TRDN: variants seen among roughly 807,000 people sequenced by gnomAD.
The protein encoded by TRDN is triadin.
Under a neutral mutation model 149.7 loss-of-function variants are expected in TRDN, and 161 were observed. The ratio of observed to expected loss-of-function variants is 1.08; its 90% CI spans 0.95 to 1.23. The LOEUF (loss-of-function observed/expected upper bound fraction) is 1.23, where lower values mean the gene tolerates loss of function less well. Among genes scored for constraint, TRDN ranks in the 50% most tolerant of loss-of-function variants. The pLI, the probability that TRDN is intolerant of heterozygous loss-of-function variation, is 0.00. For synonymous variants in TRDN, 294 were observed against 250.5 expected, an observed-to-expected ratio of 1.17 and a Z score of -1.64; for missense variants, 896 against 823.5, an observed-to-expected ratio of 1.09 and a Z score of -1.08.
intron 38 of TRDN, among the ~76,000 whole-genome samples, chr6:123,251,941 TTACAATTAAATTATAGCTA>T (rs1332448277): frequency 6.6e-6 from 1 of 152,030 alleles, no homozygotes; most frequent in Non-Finnish European, 1.5e-5. Flanking sequence ...CAATTTAGGT[TTACAATTAAATTATAGCTA>T]TACAATTAAA....
chr6:123,396,918 T>G (rs1476857522), intron 12 of TRDN, among the ~76,000 whole-genome samples: 2 of 152,178 alleles, frequency 1.3e-5, no homozygotes, highest in Non-Finnish European at 2.9e-5. Context: ...ATAACTTTAG[T>G]GGCAAATGGA....
chr6:123,608,432 T>C (rs1174564592), intron 1 of TRDN, among the ~76,000 whole-genome samples: 1 of 152,184 alleles, frequency 6.6e-6, no homozygotes, highest in Non-Finnish European at 1.5e-5. Context: ...GTGTTTATCA[T>C]AAATATCTTA....
chr6:123,300,657 C>A (rs1240876069), intron 24 of TRDN, among the ~76,000 whole-genome samples: 1 of 151,762 alleles, frequency 6.6e-6, no homozygotes, highest in Non-Finnish European at 1.5e-5. Flanking sequence ...GAAGAAGATT[C>A]AAGACTATAG....
At chr6:123,227,499 C>T (rs187622888) in intron 38 of TRDN, among the ~76,000 whole-genome samples, 1 of 151,844 alleles carries the variant, frequency 6.6e-6, no homozygotes, top group African/African-American at 2.4e-5. Context: ...GTTGCAAATG[C>T]TTAGTAGGAA....
At chr6:123,584,152 T>C (rs1213037475) in intron 1 of TRDN, among the ~76,000 whole-genome samples, 2 of 151,978 alleles carry the variant, frequency 1.3e-5, no homozygotes, top group African/African-American at 4.8e-5. Flanking sequence ...TCGGGTGTGG[T>C]ATCAGGAATA....
At chr6:123,249,204 A>G (rs1776290663) in intron 38 of TRDN, among the ~76,000 whole-genome samples, 1 of 152,096 alleles carries the variant, frequency 6.6e-6, no homozygotes, top group Non-Finnish European at 1.5e-5. Flanking sequence ...GAGCATTACT[A>G]ATTATGACAG....
At chr6:123,503,274 T>G in intron 8 of TRDN, 1 of 985,342 alleles carries the variant, frequency 1.0e-6, no homozygotes, top group South Asian at 4.7e-5. Flanking sequence ...CAGTAATGTA[T>G]GGATAGTTTT....
chr6:123,259,854 C>G (rs1041202579), intron 34 of TRDN, among the ~76,000 whole-genome samples, 192 bp from the exon 35 acceptor site: 6 of 151,824 alleles, frequency 4.0e-5, no homozygotes, highest in Admixed American at 2.0e-4. Flanking sequence ...TTCTCCTCCT[C>G]CTCCTCTTTG....
chr6:123,465,590 AAAAAAAAAAAAAAAG>A (rs1776744747), intron 9 of TRDN, among the ~76,000 whole-genome samples: 1 of 148,760 alleles, frequency 6.7e-6, no homozygotes, highest in Non-Finnish European at 1.5e-5. Context: ...TGCAAAAAAA[AAAAAAAAAAAAAAAG>A]AGAGAGAGAG....
chr6:123,622,017 C>T (rs899994670), intron 1 of TRDN, among the ~76,000 whole-genome samples: 5 of 152,072 alleles, frequency 3.3e-5, no homozygotes, highest in African/African-American at 7.2e-5. Flanking sequence ...GTTCCACTTA[C>T]GTGAGAATCT....
intron 12 of TRDN, among the ~76,000 whole-genome samples, chr6:123,402,468 A>G (rs886918939): frequency 6.6e-6 from 1 of 152,188 alleles, no homozygotes; most frequent in African/African-American, 2.4e-5. Context: ...GCTCAAGTAA[A>G]TTGTTAAATT....
chr6:123,349,787 C>G, intron 21 of TRDN: 1 of 984,802 alleles, frequency 1.0e-6, no homozygotes, highest in South Asian at 4.7e-5. Context: ...GTACACATCA[C>G]AGATTTTAAA....
intron 38 of TRDN, among the ~76,000 whole-genome samples, chr6:123,243,802 A>T (rs1345692963): frequency 6.6e-6 from 1 of 152,118 alleles, no homozygotes; most frequent in Non-Finnish European, 1.5e-5. Flanking sequence ...TTTTTGTTAC[A>T]GTTAGGATGA....
At chr6:123,570,820 C>T in intron 2 of TRDN, 103 bp downstream of exon 2, 6 of 1,034,932 alleles carry the variant, frequency 5.8e-6, no homozygotes, top group Non-Finnish European at 7.0e-6. Context: ...GTGTTTCTTC[C>T]TCACACTAAG....
chr6:123,328,373 A>T (rs921894003), intron 23 of TRDN, among the ~76,000 whole-genome samples: 4 of 152,132 alleles, frequency 2.6e-5, no homozygotes, highest in Admixed American at 2.6e-4. Flanking sequence ...CACACCCCCA[A>T]CCAACACCAA....
intron 2 of TRDN, among the ~76,000 whole-genome samples, chr6:123,567,422 T>C (rs1782347394): frequency 1.3e-5 from 2 of 152,174 alleles, no homozygotes; most frequent in South Asian, 2.1e-4. Flanking sequence ...TGTTCCGGCA[T>C]TGCTATAAAG....
chr6:123,337,910 G>A (rs1779933681), intron 21 of TRDN, among the ~76,000 whole-genome samples: 1 of 151,972 alleles, frequency 6.6e-6, no homozygotes, highest in African/African-American at 2.4e-5. Flanking sequence ...TACAAAAAAA[G>A]GTACATGTAA....
intron 26 of TRDN, among the ~76,000 whole-genome samples, chr6:123,276,173 G>A (rs1273987838): frequency 6.6e-6 from 1 of 151,982 alleles, no homozygotes; most frequent in African/African-American, 2.4e-5. Context: ...TATTACACAG[G>A]TAACACATAA....
chr6:123,413,444 TA>T (rs1435963370), intron 12 of TRDN, among the ~76,000 whole-genome samples: 1 of 152,178 alleles, frequency 6.6e-6, no homozygotes, highest in Non-Finnish European at 1.5e-5. Flanking sequence ...GTACTGGTTA[TA>T]AAAAATAATT....
Sources: gnomAD v4.1 joint callset for allele counts (sites outside exome capture counted in the v4.1 genomes callset) on GRCh38, gnomAD v4.1.1 for gene constraint, MANE v1.5 for transcripts, NCBI Gene and HGNC (gene_info 2026-07-23, HGNC 2026-07-21) for gene names.